Variants in PTPN14 observed in about 807,000 individuals in gnomAD.
PTPN14 encodes the protein protein tyrosine phosphatase non-receptor type 14, also known as tyrosine-protein phosphatase non-receptor type 14.
PTPN14 carries 53 observed loss-of-function variants against 126.8 expected under a neutral mutation model. The observed-to-expected ratio is 0.42, with a 90% CI of 0.34 to 0.53. The LOEUF (loss-of-function observed/expected upper bound fraction) is 0.53. Ranked by LOEUF, PTPN14 falls within the 20% of genes least tolerant of loss-of-function variation. The pLI is 0.08. For synonymous variants in PTPN14, 630 were observed against 599.3 expected (o/e 1.05, Z -0.75); for missense variants, 1,257 against 1,552.9 (o/e 0.81, Z 3.20).
At chr1:214,447,979 T>C in intron 3 of PTPN14, among the ~76,000 whole-genome samples, 1 of 152,164 alleles carries the variant, frequency 6.6e-6, no homozygotes, top group East Asian at 1.9e-4. Flanking sequence ...AAAGAAATTC[T>C]AAAGAAAAAA....
chr1:214,364,128 T>C lies in PTPN14; in HGVS notation c.3435+384A>G, dbSNP rs1658018783. Among the ~76,000 whole-genome samples, 1 of 152,100 alleles carries C rather than the reference T, an allele frequency of 6.6e-6. No individual in the cohort carries two copies. Among genetic ancestry groups the C allele is most frequent in the African/African-American group, 2.4e-5 (1 of 41,410 alleles). On this transcript the variant is annotated intron_variant, in intron 18 of 18. Transcript: ENST00000366956. This position sits in a 1 kb window ranked among gnomAD's most constrained non-coding sequence, Gnocchi z 4.1. ...CACCTAGCATTTAGGCCAGAACACA[T>C]CCTAGAAATGCAAGATGCATCGAAA...
At position 214,526,764 on chromosome 1, in the gene PTPN14, C is replaced by A. The variant is rs182738190; in HGVS notation, c.-155+24419G>T. ...ACAGAAAAGAGGAAAAATTAGAAAA[C>A]CAGAGGAGAGGAAAGAAAGTCATGA... On this transcript the variant is annotated intron_variant, in intron 1 of 18. Coordinates refer to ENST00000366956, the MANE Select transcript of PTPN14 (RefSeq NM_005401.5). Among the ~76,000 whole-genome samples the A allele has an allele frequency of 3.9e-5, 6 of 152,124 alleles. No individual in the cohort carries two copies. In the East Asian group the frequency reaches 1.2e-3, roughly 29 times the overall value.
chr1:214,435,472 T>C (rs576439100), intron 3 of PTPN14, among the ~76,000 whole-genome samples: 5 of 152,152 alleles, frequency 3.3e-5, no homozygotes, highest in African/African-American at 4.8e-5. Flanking sequence ...TAGAGTATAA[T>C]GGTTAAATAG....
In PTPN14 at chr1:214,414,723, A is replaced by G. The variant is rs372597989; in HGVS notation, c.348T>C (p.Tyr116=). 6.1e-5 allele frequency: 98 copies of G among 1,610,360 alleles called. No individual in the cohort carries two copies. Among genetic ancestry groups the G allele is most frequent in the Non-Finnish European group, 8.2e-5 (97 of 1,176,698 alleles). ...VSWLQQEATR[Y]QYYLQVKKDV... is the part of the protein sequence containing the mutation. ...CTTTTTTGACTTGCAGGTAATACTG[A>G]TATCTGTTCATGGGAATAGAGGAAC... is the stretch of plus-strand genomic sequence containing the variant. The change falls in exon 4 of 19, where the codon TAT becomes TAC. Residue 116 remains tyrosine, a synonymous_variant. Transcript: ENST00000366956.
At chr1:214,439,464 G>A (rs10864096) in intron 3 of PTPN14, among the ~76,000 whole-genome samples, 40,949 of 152,012 alleles carry the variant, frequency 0.27, 6,256 homozygotes, top group Non-Finnish European at 0.34. Flanking sequence ...TGTCTAACTC[G>A]CATTTCAGTT....
At chr1:214,525,437 G>A (rs925780418) in intron 1 of PTPN14, among the ~76,000 whole-genome samples, 1 of 152,150 alleles carries the variant, frequency 6.6e-6, no homozygotes, top group South Asian at 2.1e-4. Context: ...GGTCAGCTGC[G>A]AATGCTAAGA....
intron 16 of PTPN14, 113 bp downstream of exon 16, chr1:214,372,598 G>C (rs1658243733): frequency 6.9e-7 from 1 of 1,458,140 alleles, no homozygotes; most frequent in South Asian, 1.2e-5. Context: ...CATGTGCAGA[G>C]AAACAGCACT....
intron 1 of PTPN14, among the ~76,000 whole-genome samples, chr1:214,545,447 A>G (rs1051852786): frequency 2.6e-5 from 4 of 152,084 alleles, no homozygotes; most frequent in African/African-American, 9.7e-5. Flanking sequence ...TCTGACATTA[A>G]TCCCTTCATG....
intron 1 of PTPN14, among the ~76,000 whole-genome samples, chr1:214,527,015 C>A (rs1006240133): frequency 1.3e-5 from 2 of 151,710 alleles, no homozygotes; most frequent in Non-Finnish European, 2.9e-5. Context: ...CACTTGAACC[C>A]GGGAGACAGA....
chr1:214,368,363 G>T (rs908414488), intron 17 of PTPN14, among the ~76,000 whole-genome samples: 32 of 152,000 alleles, frequency 2.1e-4, no homozygotes, highest in African/African-American at 7.2e-4. Flanking sequence ...CACCACACCT[G>T]GCTAATTTTG....
chr1:214,506,796 C>T (rs1654855725), intron 1 of PTPN14, among the ~76,000 whole-genome samples: 2 of 151,762 alleles, frequency 1.3e-5, no homozygotes, highest in Admixed American at 1.3e-4. Context: ...TCTTTGCTCC[C>T]TTTATTTTCT....
intron 3 of PTPN14, among the ~76,000 whole-genome samples, chr1:214,435,717 A>G (rs1235136645): frequency 6.6e-6 from 1 of 152,232 alleles, no homozygotes; most frequent in Non-Finnish European, 1.5e-5. Flanking sequence ...ACCTTACATC[A>G]GTCAGAATGG....
intron 3 of PTPN14, among the ~76,000 whole-genome samples, chr1:214,446,401 T>A (rs1038643911): frequency 6.6e-6 from 1 of 152,140 alleles, no homozygotes; most frequent in Non-Finnish European, 1.5e-5. Context: ...TCTTGGCAGG[T>A]TTCCCTCACT....
rs765729489 is a variant in PTPN14, at chr1:214,464,847, C to T, written c.-44G>A. Reference sequence around the variant, plus strand: ...CGCCGCCCGCCTATCCTGGCGCACACGCCCCTGAGATGGCCTTAGCAGTTT... The same window carrying T: ...CGCCGCCCGCCTATCCTGGCGCACATGCCCCTGAGATGGCCTTAGCAGTTT... On this transcript the variant is annotated 5_prime_UTR_variant, in exon 2 of 19. In the 5' UTR this introduces an upstream ATG that the reference lacks. Coordinates refer to ENST00000366956, the MANE Select transcript of PTPN14 (RefSeq NM_005401.5). The T allele has an allele frequency of 2.2e-5, 36 of 1,605,776 alleles. No homozygotes were observed. In the South Asian group the frequency reaches 2.7e-4, roughly 12 times the overall value.
intron 18 of PTPN14, among the ~76,000 whole-genome samples, chr1:214,361,467 G>A (rs1271451007): frequency 6.6e-6 from 1 of 152,168 alleles, no homozygotes; most frequent in Non-Finnish European, 1.5e-5. Flanking sequence ...TTCAATGAAA[G>A]GGTCCCAGCT....
intron 1 of PTPN14, among the ~76,000 whole-genome samples, chr1:214,513,828 A>G (rs1655036254): frequency 6.6e-6 from 1 of 152,218 alleles, no homozygotes; most frequent in South Asian, 2.1e-4. Context: ...TAATGTGTGC[A>G]AGGTGGGTAG....
chr1:214,464,550 C>T, intron 2 of PTPN14, 80 bp downstream of exon 2: 1 of 1,526,458 alleles, frequency 6.6e-7, no homozygotes, highest in Non-Finnish European at 8.9e-7. Context: ...AAACAGATGG[C>T]TGGTCCCTTC....
intron 1 of PTPN14, chr1:214,482,878 GA>G (rs2102677426): frequency 6.3e-7 from 1 of 1,592,944 alleles, no homozygotes; most frequent in Admixed American, 1.7e-5. Context: ...GGGATCTCAG[GA>G]AGATTCATAT....
chr1:214,402,583 G>C (rs1659049462), intron 6 of PTPN14, among the ~76,000 whole-genome samples: 1 of 145,632 alleles, frequency 6.9e-6, no homozygotes, highest in African/African-American at 2.5e-5. Flanking sequence ...CAGCACTTTA[G>C]GTCTTCACTC....
Sources: gnomAD v4.1 joint callset for allele counts (sites outside exome capture counted in the v4.1 genomes callset) on GRCh38, gnomAD v4.1.1 for gene constraint, Gnocchi (gnomAD v3.1) non-coding constraint, MANE v1.5 for transcripts, NCBI Gene and HGNC (gene_info 2026-07-23, HGNC 2026-07-21) for gene names.